Variants in TOR1A observed in about 807,000 individuals in gnomAD.
TOR1A encodes torsin family 1 member A.
TOR1A carries 18 observed loss-of-function variants against 31.4 expected under a neutral mutation model. The ratio of observed to expected loss-of-function variants is 0.57; its 90% confidence interval spans 0.40 to 0.85. The LOEUF (loss-of-function observed/expected upper bound fraction) is 0.85. TOR1A is among the 40% of genes least tolerant of loss of function. The pLI is 0.00. For synonymous variants in TOR1A, 168 were observed against 165.9 expected (o/e 1.01, Z -0.10); for missense variants, 375 against 416.4 (o/e 0.90, Z 0.87).
chr9:129,818,452 G>A (rs2031095223), intron 4 of TOR1A, 68 bp downstream of exon 4: 1 of 1,606,434 alleles, frequency 6.2e-7, no homozygotes, highest in African/African-American at 1.3e-5. Context: ...CAGTGACCCT[G>A]ATGCTTTTAA....
At chr9:129,822,952 G>A (rs1342043614) in intron 1 of TOR1A, 106 bp from the exon 2 acceptor site, 20 of 1,534,530 alleles carry the variant, frequency 1.3e-5, no homozygotes, top group Non-Finnish European at 1.8e-5. Context: ...CGCCCTCCAA[G>A]CACCTTGCGA....
At position 129,818,596 on chromosome 9, in the gene TOR1A, A is replaced by G; in HGVS notation, c.672T>C (p.Ser224=). The G allele has an allele frequency of 6.2e-7, 1 of 1,613,996 alleles. No homozygotes were observed. Among genetic ancestry groups the G allele is most frequent in the Non-Finnish European group, 8.5e-7 (1 of 1,180,010 alleles). ...GCTTGATGTCTTCCCTCTGCTTTCC[A>G]CTCCTCCAGAAATCCAAAGCCACAT... ...ITDVALDFWR[S]GKQREDIKLK... is the part of the protein sequence containing the mutation. Residue 224 remains serine (S), a synonymous_variant, in exon 4 of 5, where the codon AGT becomes AGC. Coordinates refer to ENST00000351698, the MANE Select transcript of TOR1A (RefSeq NM_000113.3).
At chr9:129,820,772 T>C (rs1230684325) in intron 2 of TOR1A, among the ~76,000 whole-genome samples, 1 of 151,834 alleles carries the variant, frequency 6.6e-6, no homozygotes, top group African/African-American at 2.4e-5. Flanking sequence ...TTTTTTTGTA[T>C]TTTTTTAGTA....
chr9:129,820,480 C>T lies in TOR1A; in HGVS notation c.445-1560G>A, dbSNP rs182586294. Among the ~76,000 whole-genome samples the T allele has an allele frequency of 1.4e-4, 22 of 152,258 alleles. No individual in the cohort carries two copies. The East Asian group carries it at 3.5e-3, about 24-fold the overall frequency. On this transcript the variant is annotated intron_variant, in intron 2 of 4. Coordinates refer to ENST00000351698, the MANE Select transcript of TOR1A (RefSeq NM_000113.3). ...CCATCACGGTAGTTACCATTGTGCTCCTTCTTTTACAAATGAGAAAACTGA... is the reference window on the plus strand; with the variant it reads ...CCATCACGGTAGTTACCATTGTGCTTCTTCTTTTACAAATGAGAAAACTGA...
At chr9:129,814,271 C>A in intron 4 of TOR1A, 49 bp from the exon 5 acceptor site, 1 of 1,612,620 alleles carries the variant, frequency 6.2e-7, no homozygotes, top group East Asian at 2.2e-5. Context: ...CCCACCTGCC[C>A]TATAGACGCC....
chr9:129,822,230 A>C (rs2031200712), intron 2 of TOR1A: 2 of 359,576 alleles, frequency 5.6e-6, no homozygotes, highest in Admixed American at 7.8e-5. Context: ...ATGCCATTGC[A>C]CTCCAGCCCG....
chr9:129,819,088 C>T (rs2031116655), intron 2 of TOR1A, among the ~76,000 whole-genome samples, 168 bp from the exon 3 acceptor site: 1 of 152,156 alleles, frequency 6.6e-6, no homozygotes, highest in South Asian at 2.1e-4. Context: ...ATGGAGTGGG[C>T]ACTATCGTTC....
intron 4 of TOR1A, among the ~76,000 whole-genome samples, chr9:129,816,850 T>A (rs951707262): frequency 9.2e-5 from 14 of 152,232 alleles, no homozygotes; most frequent in South Asian, 2.1e-4. Flanking sequence ...AGTATTCCAC[T>A]TGCACACACT....
rs1404661997 is a variant in TOR1A, at chr9:129,814,028, A to T, written c.943T>A (p.Ser315Thr). 6.2e-7 allele frequency: 1 copy of T among 1,614,170 alleles called. No individual in the cohort carries two copies. The highest frequency in any genetic ancestry group is 1.1e-5 in the South Asian group (1 of 91,086). ...TFFPKEERVF[S>T]DKGCKTVFTK... ...AACACCGTTTTGCAGCCTTTATCTG[A>T]GAAAACTCTCTCCTCTTTGGGGAAA... Residue 315 changes from serine to threonine, a missense_variant, in exon 5 of 5, where the codon TCA becomes ACA. By Grantham distance (58) the Ser-to-Thr change is moderately conservative. Coordinates refer to ENST00000351698, the MANE Select transcript of TOR1A (RefSeq NM_000113.3).
chr9:129,819,158 A>G (rs1312797402), intron 2 of TOR1A, among the ~76,000 whole-genome samples: 3 of 152,052 alleles, frequency 2.0e-5, no homozygotes, highest in South Asian at 2.1e-4. Flanking sequence ...GCCCAAGACT[A>G]TATGTGGCAG....
chr9:129,818,543 A>C lies in TOR1A; in HGVS notation c.725T>G (p.Val242Gly). Residue 242 changes from valine to glycine, a missense_variant, in exon 4 of 5, where the codon GTG (valine) becomes GGG (glycine). Val to Gly is a moderately radical substitution (Grantham distance 109). Coordinates refer to ENST00000351698, the MANE Select transcript of TOR1A (RefSeq NM_000113.3). Reference protein sequence around the residue: ...KLKDIEHALSVSVFNNKNSGF... With the variant: ...KLKDIEHALSGSVFNNKNSGF... ...ACTGTTCTTGTTATTGAAAACCGAC[A>C]CAGACAACGCGTGTTCAATGTCTTT... 1.9e-6 allele frequency: 3 copies of C among 1,614,202 alleles called. No homozygotes were observed. Among genetic ancestry groups the C allele is most frequent in the Non-Finnish European group, 2.5e-6 (3 of 1,180,040 alleles).
chr9:129,817,739 G>A (rs1179892294), intron 4 of TOR1A, among the ~76,000 whole-genome samples: 1 of 145,298 alleles, frequency 6.9e-6, no homozygotes, highest in East Asian at 2.0e-4. Context: ...TGTAGCTCAT[G>A]CCTATAATTC....
At position 129,822,692 on chromosome 9, in the gene TOR1A, G is replaced by A; in HGVS notation, c.333C>T (p.Val111=). 2 of 1,614,224 alleles carry A rather than the reference G, an allele frequency of 1.2e-6. No homozygotes were observed. Among genetic ancestry groups the A allele is most frequent in the Non-Finnish European group, 1.7e-6 (2 of 1,180,042 alleles). ...HGWTGTGKNF[V]SKIIAENIYE... is the part of the protein sequence containing the mutation. ...AAATATTCTCTGCGATGATCTTGCT[G>A]ACGAAATTTTTGCCGGTGCCTGTCC... is the stretch of plus-strand genomic sequence containing the variant. The change falls in exon 2 of 5, where the codon GTC becomes GTT. Residue 111 remains valine, a synonymous_variant. Transcript: ENST00000351698.
intron 4 of TOR1A, among the ~76,000 whole-genome samples, chr9:129,817,832 C>A (rs1428903843): frequency 2.5e-5 from 3 of 119,250 alleles, no homozygotes; most frequent in African/African-American, 3.4e-5. Context: ...AAGACCCAGT[C>A]TCTACCAAAA....
chr9:129,816,379 CTA>C (rs1165459393), intron 4 of TOR1A, among the ~76,000 whole-genome samples: 2 of 152,202 alleles, frequency 1.3e-5, no homozygotes, highest in Non-Finnish European at 2.9e-5. Context: ...GGAAAGATAT[CTA>C]TATGTCCACA....
intron 4 of TOR1A, chr9:129,818,180 G>A (rs536214238): frequency 3.2e-4 from 123 of 382,290 alleles, no homozygotes; most frequent in Non-Finnish European, 5.6e-4. Flanking sequence ...GTGTGCACCT[G>A]TAATCCCAGC....
intron 4 of TOR1A, among the ~76,000 whole-genome samples, chr9:129,815,785 C>A (rs905305035): frequency 6.6e-6 from 1 of 152,218 alleles, no homozygotes; most frequent in Non-Finnish European, 1.5e-5. Flanking sequence ...CCCTTCCCAT[C>A]GCTCAAGCCA....
intron 1 of TOR1A, 30 bp downstream of exon 1, chr9:129,823,878 C>T (rs1460372122): frequency 6.6e-7 from 1 of 1,525,678 alleles, no homozygotes; most frequent in Non-Finnish European, 8.8e-7. Context: ...CCAGCCCCAG[C>T]CCCAGCCTCC....
In TOR1A at chr9:129,817,365, A is replaced by C. The variant is rs1291950977; in HGVS notation, c.748+1155T>G. Among the ~76,000 whole-genome samples, 3 of 152,144 alleles carry C rather than the reference A, an allele frequency of 2.0e-5. 1 individual carries two copies. The East Asian group carries it at 5.8e-4, about 29-fold the overall frequency. On this transcript the variant is annotated intron_variant, in intron 4 of 4. Coordinates refer to ENST00000351698, the MANE Select transcript of TOR1A (RefSeq NM_000113.3). Reference sequence around the variant, plus strand: ...CCACGGCATCCTTCCTTGCTCAACCACTGGCTCTTTCTTCTACAAAGAAAA... The same window carrying C: ...CCACGGCATCCTTCCTTGCTCAACCCCTGGCTCTTTCTTCTACAAAGAAAA...
Sources: allele counts gnomAD v4.1 joint callset (sites outside exome capture counted in the v4.1 genomes callset), GRCh38; gene constraint gnomAD v4.1.1; transcripts MANE v1.5; gene names NCBI Gene and HGNC (gene_info 2026-07-23, HGNC 2026-07-21).